Variants in GLDN observed in about 807,000 individuals in gnomAD.
GLDN encodes gliomedin.
A neutral mutation model predicts 56.5 loss-of-function variants in GLDN; 47 were observed. That is an observed-to-expected ratio of 0.83 (90% CI 0.66 to 1.06). GLDN has a LOEUF of 1.06. Ranked by LOEUF, GLDN falls within the 50% of genes least tolerant of loss-of-function variation. The pLI, the probability that GLDN is intolerant of heterozygous loss-of-function variation, is 0.00. For missense variants in GLDN, 782 were observed against 714.3 expected (o/e 1.09, Z -1.08); for synonymous variants, 332 against 278.8 (o/e 1.19, Z -1.90).
In GLDN at chr15:51,406,761, A is replaced by G. The variant is rs1297571729; in HGVS notation, c.*2007A>G. The stretch of plus-strand genomic sequence containing the variant: ...TTGTTGTGTTCTCAATATGATGGCT[A>G]TTTGAAACTTCACCTACTTTTCATT... On this transcript the variant is annotated 3_prime_UTR_variant, in exon 10 of 10. Transcript: ENST00000335449. The G allele has an allele frequency of 2.0e-5, 3 of 152,232 alleles. No individual in the cohort carries two copies. The highest frequency in any genetic ancestry group is 4.4e-5 in the Non-Finnish European group (3 of 68,036). 9.4% of individuals were successfully genotyped at this position (152,232 alleles called of 1,614,324 possible).
intron 1 of GLDN, 35 bp downstream of exon 1, chr15:51,342,082 C>A (rs1043544655): frequency 1.3e-6 from 2 of 1,588,006 alleles, no homozygotes; most frequent in East Asian, 2.3e-5. Flanking sequence ...GGCGCCCCGG[C>A]CAGGTGGGCG....
intron 1 of GLDN, among the ~76,000 whole-genome samples, chr15:51,362,327 A>T (rs2037315744): frequency 6.6e-6 from 1 of 152,042 alleles, no homozygotes; most frequent in African/African-American, 2.4e-5. Flanking sequence ...TCTACCAAAT[A>T]TATACAAATT....
At chr15:51,347,790 C>G (rs2037004615) in intron 1 of GLDN, among the ~76,000 whole-genome samples, 1 of 152,128 alleles carries the variant, frequency 6.6e-6, no homozygotes, top group African/African-American at 2.4e-5. Context: ...TGTAAATAAC[C>G]CATATCTACC....
chr15:51,400,026 T>C lies in GLDN; in HGVS notation c.818-166T>C, dbSNP rs79618865. On this transcript the variant is annotated intron_variant, in intron 6 of 9. Coordinates refer to ENST00000335449, the MANE Select transcript of GLDN (RefSeq NM_181789.4). Reference sequence around the variant, plus strand: ...GGCGAAGAATTTGGAAGGCTATGATTTGGAGTTGCTTGAAAGCAAGCAACC... The same window carrying C: ...GGCGAAGAATTTGGAAGGCTATGATCTGGAGTTGCTTGAAAGCAAGCAACC... Among the ~76,000 whole-genome samples, 522 of 152,306 alleles carry C rather than the reference T, an allele frequency of 3.4e-3. 18 individuals are homozygous for C. The East Asian group carries it at 0.063, about 18-fold the overall frequency.
chr15:51,355,001 A>G (rs1479498628), intron 1 of GLDN, among the ~76,000 whole-genome samples: 1 of 152,204 alleles, frequency 6.6e-6, no homozygotes, highest in Non-Finnish European at 1.5e-5. Context: ...ATCAAAAGAG[A>G]AGCTTGAATT....
rs1566945311 is a variant in GLDN, at chr15:51,382,736, A to AAAG, written c.416-698_416-697insGAA. On this transcript the variant is annotated intron_variant, in intron 2 of 9. Transcript: ENST00000335449. Reference sequence around the variant, plus strand: ...GCAAGACTCTGTCTCCAAAAAAAAAAAAAAGAAAAGAAAAGAAACAAAAGG... The same window carrying AAAG: ...GCAAGACTCTGTCTCCAAAAAAAAAAAAGAAAAGAAAAGAAAAGAAACAAAAGG... Among the ~76,000 whole-genome samples the AAAG allele has an allele frequency of 3.4e-3, 507 of 149,922 alleles. 8 individuals carry two copies. The highest frequency in any genetic ancestry group is 0.012 in the African/African-American group (468 of 39,874).
At chr15:51,400,349 C>T (rs762894985) in intron 7 of GLDN, 24 bp from the exon 8 acceptor site, 1 of 1,614,168 alleles carries the variant, frequency 6.2e-7, no homozygotes, top group South Asian at 1.1e-5. Context: ...AGGCAAGTGA[C>T]TTTCTTTTCT....
intron 1 of GLDN, chr15:51,377,114 AC>A: frequency 3.1e-6 from 1 of 327,844 alleles, no homozygotes; most frequent in East Asian, 5.8e-5. Context: ...ACATAATTGT[AC>A]GTGCTATGCT....
At chr15:51,371,149 G>C (rs1219449662) in intron 1 of GLDN, among the ~76,000 whole-genome samples, 1 of 152,178 alleles carries the variant, frequency 6.6e-6, no homozygotes, top group African/African-American at 2.4e-5. Flanking sequence ...CAACCAAAAA[G>C]TTGTGTTGCA....
chr15:51,381,285 C>G (rs921800880), intron 2 of GLDN, among the ~76,000 whole-genome samples: 7 of 152,210 alleles, frequency 4.6e-5, no homozygotes, highest in Non-Finnish European at 1.0e-4. Context: ...TTGTGTCTTA[C>G]AGTCAAATTA....
At chr15:51,384,459 G>T (rs1424945976) in intron 4 of GLDN, 1 of 160,570 alleles carries the variant, frequency 6.2e-6, no homozygotes, top group Admixed American at 6.5e-5. Context: ...GATATGGCTG[G>T]CATCTCGGAG....
chr15:51,377,488 A>T lies in GLDN; in HGVS notation c.403A>T (p.Ile135Phe), dbSNP rs756273568. 6.2e-7 allele frequency: 1 copy of T among 1,614,020 alleles called. No homozygotes were observed. The highest frequency in any genetic ancestry group is 8.5e-7 in the Non-Finnish European group (1 of 1,179,938). The stretch of plus-strand genomic sequence containing the variant: ...GGACCTGTGCAACAGCACCAAGGGC[A>T]TCTGCCTCACAGGTAGGCTGGCCGC... ...MVDLCNSTKGICLTGPSGPPG... is the reference protein window; with the variant it reads ...MVDLCNSTKGFCLTGPSGPPG... The change falls in exon 2 of 10, where the codon ATC (isoleucine) becomes TTC (phenylalanine). Residue 135 changes from isoleucine to phenylalanine, a missense_variant. By Grantham distance (21) the Ile-to-Phe change is conservative. Coordinates refer to ENST00000335449, the MANE Select transcript of GLDN (RefSeq NM_181789.4).
At chr15:51,395,558 T>G (rs2038108857) in intron 5 of GLDN, among the ~76,000 whole-genome samples, 2 of 152,130 alleles carry the variant, frequency 1.3e-5, no homozygotes, top group Non-Finnish European at 2.9e-5. Context: ...GGTGGCAGGC[T>G]GGACAGGAGA....
intron 1 of GLDN, among the ~76,000 whole-genome samples, chr15:51,357,375 G>A (rs536563860): frequency 6.6e-6 from 1 of 152,336 alleles, no homozygotes; most frequent in South Asian, 2.1e-4. Context: ...ATTTCTGGGG[G>A]CCTGTCTGGG....
chr15:51,372,431 C>T (rs2037535590), intron 1 of GLDN, among the ~76,000 whole-genome samples: 1 of 152,150 alleles, frequency 6.6e-6, no homozygotes, highest in Non-Finnish European at 1.5e-5. Context: ...ACCTGATGGG[C>T]CCCATTGTTT....
At chr15:51,356,972 T>C (rs913405729) in intron 1 of GLDN, among the ~76,000 whole-genome samples, 1 of 152,216 alleles carries the variant, frequency 6.6e-6, no homozygotes, top group Non-Finnish European at 1.5e-5. Flanking sequence ...TTTGGAATCT[T>C]GGGTGACTGG....
At chr15:51,343,570 C>T (rs2036924808) in intron 1 of GLDN, among the ~76,000 whole-genome samples, 1 of 152,214 alleles carries the variant, frequency 6.6e-6, no homozygotes, top group African/African-American at 2.4e-5. Flanking sequence ...GTCAAATTAA[C>T]TCTAGGTGAC....
At chr15:51,389,829 CT>C (rs2050053103) in intron 4 of GLDN, among the ~76,000 whole-genome samples, 1 of 152,144 alleles carries the variant, frequency 6.6e-6, no homozygotes, top group African/African-American at 2.4e-5. Context: ...GGGACCCTGG[CT>C]AGATTGGGCT....
intron 1 of GLDN, among the ~76,000 whole-genome samples, chr15:51,361,158 G>A (rs977200843): frequency 2.6e-5 from 4 of 152,218 alleles, no homozygotes; most frequent in African/African-American, 9.6e-5. Flanking sequence ...TAGAGGCCTG[G>A]GGAAGACAAG....
Sources: gnomAD v4.1 joint callset for allele counts (sites outside exome capture counted in the v4.1 genomes callset) on GRCh38, gnomAD v4.1.1 for gene constraint, MANE v1.5 for transcripts, NCBI Gene and HGNC (gene_info 2026-07-23, HGNC 2026-07-21) for gene names.